The following DGKB variants were observed in gnomAD, a reference collection of about 807,000 sequenced individuals.
DGKB encodes the protein diacylglycerol kinase beta.
Under a neutral mutation model 114.3 loss-of-function variants are expected in DGKB, and 67 were observed. The observed-to-expected ratio is 0.59, with a 90% CI of 0.48 to 0.72. DGKB has a LOEUF of 0.72. Ranked by LOEUF, DGKB falls within the 30% of genes least tolerant of loss-of-function variation. The pLI is 0.00. For missense variants in DGKB, 907 were observed against 975.2 expected (o/e 0.93, Z 0.93); for synonymous variants, 398 against 323.1 (o/e 1.23, Z -2.49).
chr7:14,298,449 A>G lies in DGKB; in HGVS notation c.2122+40066T>C, dbSNP rs138401004. Among the ~76,000 whole-genome samples the G allele has an allele frequency of 4.1e-3, 625 of 152,320 alleles. 2 individuals are homozygous for G. Among genetic ancestry groups the G allele is most frequent in the African/African-American group, 0.015 (604 of 41,580 alleles). ...TTGACAAACCTGACAAAAACAAGCA[A>G]TGGGGAAAGGATTTCCTATTTAATA... On this transcript the variant is annotated intron_variant, in intron 23 of 25. Coordinates refer to ENST00000402815, the MANE Select transcript of DGKB (RefSeq NM_001350709.2).
chr7:14,344,371 A>C (rs1167505173), intron 22 of DGKB, among the ~76,000 whole-genome samples: 1 of 151,686 alleles, frequency 6.6e-6, no homozygotes, highest in Admixed American at 6.6e-5. Flanking sequence ...AGCAAATTAG[A>C]AATTTAGGAT....
intron 13 of DGKB, among the ~76,000 whole-genome samples, chr7:14,666,773 T>A (rs1818102747): frequency 6.6e-6 from 1 of 151,828 alleles, no homozygotes; most frequent in African/African-American, 2.4e-5. Context: ...CCAGAACATT[T>A]TTTTTCTTAA....
chr7:14,339,204 T>C (rs1811194432), intron 22 of DGKB, among the ~76,000 whole-genome samples: 1 of 133,122 alleles, frequency 7.5e-6, no homozygotes, highest in Non-Finnish European at 1.7e-5. Context: ...TAAAAGACTT[T>C]TGCTAAAAAA....
intron 25 of DGKB, among the ~76,000 whole-genome samples, chr7:14,163,572 G>C (rs1784210569): frequency 1.3e-5 from 2 of 152,184 alleles, no homozygotes; most frequent in Non-Finnish European, 2.9e-5. Context: ...TGCTTTTGGA[G>C]TCTCACTACC....
In DGKB at chr7:14,896,292, T is replaced by C. The variant is rs150487157; in HGVS notation, c.-188+6300A>G. ...TAGGTAAGGGAAAGGGAGTTAAAAT[T>C]TCTGAGGATTAATTGCATGCCAGAT... On this transcript the variant is annotated intron_variant, in intron 1 of 25. Transcript: ENST00000402815. Among the ~76,000 whole-genome samples, 1,050 of 151,874 alleles carry C rather than the reference T, an allele frequency of 6.9e-3. 10 individuals are homozygous for C. Among genetic ancestry groups the C allele is most frequent in the African/African-American group, 0.023 (934 of 41,490 alleles).
At chr7:14,383,260 G>T (rs1192850620) in intron 21 of DGKB, among the ~76,000 whole-genome samples, 1 of 152,120 alleles carries the variant, frequency 6.6e-6, no homozygotes, top group African/African-American at 2.4e-5. Context: ...GGGGACTGAT[G>T]CCTGGTTATA....
intron 13 of DGKB, among the ~76,000 whole-genome samples, chr7:14,661,648 G>T (rs1477459800): frequency 6.6e-6 from 1 of 151,936 alleles, no homozygotes; most frequent in Non-Finnish European, 1.5e-5. Flanking sequence ...TCAGTGTGGC[G>T]ATTCCTCAGG....
intron 10 of DGKB, among the ~76,000 whole-genome samples, chr7:14,683,096 C>T (rs1821112046): frequency 6.6e-6 from 1 of 152,126 alleles, no homozygotes; most frequent in South Asian, 2.1e-4. Context: ...TTAATTAAAT[C>T]AGTCCTCACT....
intron 2 of DGKB, among the ~76,000 whole-genome samples, chr7:14,831,148 G>A (rs1846361677): frequency 6.6e-6 from 1 of 151,850 alleles, no homozygotes; most frequent in Admixed American, 6.6e-5. Flanking sequence ...CCTAGTCATA[G>A]GGCAAAGGGA....
At chr7:14,545,688 G>C (rs1269403268) in intron 20 of DGKB, among the ~76,000 whole-genome samples, 2 of 152,096 alleles carry the variant, frequency 1.3e-5, no homozygotes, top group Non-Finnish European at 2.9e-5. Context: ...TGCTACACTG[G>C]GATCTGCTGG....
intron 1 of DGKB, among the ~76,000 whole-genome samples, chr7:14,864,846 C>T (rs1311939428): frequency 2.7e-5 from 4 of 150,658 alleles, no homozygotes; most frequent in African/African-American, 9.7e-5. Context: ...AAGACTTAAT[C>T]CTTTAGGGAT....
At chr7:14,618,459 A>G (rs1027616883) in intron 15 of DGKB, among the ~76,000 whole-genome samples, 3 of 151,700 alleles carry the variant, frequency 2.0e-5, no homozygotes, top group Admixed American at 6.6e-5. Context: ...GGAACAAGGT[A>G]ACTTCAACAT....
chr7:14,426,943 C>G (rs1284021502), intron 21 of DGKB, among the ~76,000 whole-genome samples: 3 of 151,666 alleles, frequency 2.0e-5, no homozygotes, highest in Admixed American at 6.6e-5. Context: ...GCCTGTAATC[C>G]CAGCTACTTA....
At chr7:14,947,886 T>C (rs937745565) in intron 1 of DGKB, among the ~76,000 whole-genome samples, 6 of 151,706 alleles carry the variant, frequency 4.0e-5, no homozygotes, top group South Asian at 2.1e-4. Flanking sequence ...TTCCAATTAA[T>C]TGACTTCCAC....
At chr7:14,582,815 T>G (rs1053230838) in intron 18 of DGKB, among the ~76,000 whole-genome samples, 1 of 152,178 alleles carries the variant, frequency 6.6e-6, no homozygotes, top group Non-Finnish European at 1.5e-5. Context: ...CTCTGAAAAT[T>G]TGGTAAACAC....
At chr7:14,232,841 A>C (rs1384218574) in intron 23 of DGKB, among the ~76,000 whole-genome samples, 2 of 152,036 alleles carry the variant, frequency 1.3e-5, no homozygotes, top group African/African-American at 4.8e-5. Context: ...AGCAACTCCC[A>C]GAATGATGAA....
chr7:14,927,713 T>C (rs1040778865), intron 1 of DGKB, among the ~76,000 whole-genome samples: 2 of 151,982 alleles, frequency 1.3e-5, no homozygotes, highest in African/African-American at 4.8e-5. Context: ...CTACAATATC[T>C]ATGTTCATAG....
intron 23 of DGKB, among the ~76,000 whole-genome samples, chr7:14,194,526 A>G (rs560884895): frequency 3.3e-5 from 5 of 152,290 alleles, no homozygotes; most frequent in South Asian, 4.1e-4. Flanking sequence ...CAAGAAGATA[A>G]GAATCTGGTA....
rs75109153 is a variant in DGKB, at chr7:14,721,118, T to C, written c.323-2433A>G. Among the ~76,000 whole-genome samples, 27 of 152,296 alleles carry C rather than the reference T, an allele frequency of 1.8e-4. No homozygotes were observed. The East Asian group carries it at 4.2e-3, about 24-fold the overall frequency. ...TAATCAGCTTGATTTAACTCCTTTATAGAAAAATTCAGAACAAAACAAAAA... is the reference window on the plus strand; with the variant it reads ...TAATCAGCTTGATTTAACTCCTTTACAGAAAAATTCAGAACAAAACAAAAA... On this transcript the variant is annotated intron_variant, in intron 5 of 25. Transcript: ENST00000402815.
Sources: gnomAD v4.1 joint callset for allele counts (sites outside exome capture counted in the v4.1 genomes callset) on GRCh38, gnomAD v4.1.1 for gene constraint, MANE v1.5 for transcripts, NCBI Gene and HGNC (gene_info 2026-07-23, HGNC 2026-07-21) for gene names.